Variants in THAP12 observed in about 807,000 individuals in gnomAD.
THAP12 encodes 52 kDa repressor of the inhibitor of the protein kinase.
A neutral mutation model predicts 63.0 loss-of-function variants in THAP12; 20 were observed. The ratio of observed to expected loss-of-function variants is 0.32; its 90% CI spans 0.22 to 0.46. The LOEUF (loss-of-function observed/expected upper bound fraction) is 0.46, where lower values mean the gene tolerates loss of function less well. THAP12 is among the 20% of genes least tolerant of loss of function. The pLI, the probability that THAP12 is intolerant of heterozygous loss-of-function variation, is 1.00. For missense variants in THAP12, 568 were observed against 908.2 expected (o/e 0.63, Z 4.81); for synonymous variants, 264 against 328.4 (o/e 0.80, Z 2.12).
At position 76,381,008 on chromosome 11, in the gene THAP12, G is replaced by A. The variant is rs1946755897; in HGVS notation, c.-172C>T. 1 of 268,702 alleles carries A rather than the reference G, an allele frequency of 3.7e-6. No homozygotes were observed. The highest frequency in any genetic ancestry group is 6.7e-6 in the Non-Finnish European group (1 of 148,160). 16.6% of individuals were successfully genotyped at this position (268,702 alleles called of 1,614,324 possible). ...CCGCGAGGGCCAGGAGGGGTGCCGC[G>A]GTCCGAGGCCGGGCTGGGGACGCGG... On this transcript the variant is annotated 5_prime_UTR_variant, in exon 1 of 5. Transcript: ENST00000260045.
intron 1 of THAP12, among the ~76,000 whole-genome samples, chr11:76,367,866 T>TA (rs990582824): frequency 2.6e-5 from 4 of 152,246 alleles, no homozygotes; most frequent in Non-Finnish European, 4.4e-5. Context: ...CTATGATTTT[T>TA]AAAAAACTAC....
At position 76,352,780 on chromosome 11, in the gene THAP12, C is replaced by G. The variant is rs200850781; in HGVS notation, c.370G>C (p.Glu124Gln). Reference sequence around the variant, plus strand: ...GTTTCTTTATGTTTTTGTTCCTGCTCAGAAGTTTCATCAACTGGAAAACAA... The same window carrying G: ...GTTTCTTTATGTTTTTGTTCCTGCTGAGAAGTTTCATCAACTGGAAAACAA... Reference protein sequence around the residue: ...LKQKKIDETSEQEQKHKETNN... With the variant: ...LKQKKIDETSQQEQKHKETNN... The change falls in exon 5 of 5, where the codon GAG becomes CAG. Residue 124 changes from glutamate to glutamine, a missense_variant. Coordinates refer to ENST00000260045, the MANE Select transcript of THAP12 (RefSeq NM_004705.4). 941 of 1,514,696 alleles carry G rather than the reference C, an allele frequency of 6.2e-4. 2 individuals carry two copies. The highest frequency in any genetic ancestry group is 1.3e-3 in the South Asian group (100 of 75,158). The allele number at this position is 1,514,696 out of a possible 1,614,324, so 93.8% of individuals were successfully genotyped here.
rs769357302 is a variant in THAP12, at chr11:76,365,819, A to C, written c.210+33T>G. The C allele has an allele frequency of 1.6e-5, 25 of 1,601,064 alleles. No individual in the cohort carries two copies. The South Asian group carries it at 2.6e-4, about 16-fold the overall frequency. ...ACAGTGAGAGAGAGAAATCAAGTCA[A>C]ACAGAGAGACACCAAGCTCTTCTAT... On this transcript the variant is annotated intron_variant, in intron 2 of 4. Coordinates refer to ENST00000260045, the MANE Select transcript of THAP12 (RefSeq NM_004705.4).
rs777704713 is a variant in THAP12, at chr11:76,352,734, T to A, written c.416A>T (p.Asn139Ile). The change falls in exon 5 of 5, where the codon AAC becomes ATC. Residue 139 changes from asparagine to isoleucine, a missense_variant. Asn to Ile is a moderately radical substitution (Grantham distance 149). Transcript: ENST00000260045. ...CCCTTCACCCTCTTCTTCGCTGGGG[T>A]TCTGAGCATTGCTATTGTTGGTTTC... ...HKETNNSNAQ[N>I]PSEEEGEGQD... 6 of 1,589,264 alleles carry A rather than the reference T, an allele frequency of 3.8e-6. No homozygotes were observed. In the East Asian group the frequency reaches 1.1e-4, roughly 30 times the overall value.
chr11:76,360,418 AC>A (rs758444932), intron 3 of THAP12, among the ~76,000 whole-genome samples: 1 of 152,230 alleles, frequency 6.6e-6, no homozygotes, highest in Non-Finnish European at 1.5e-5. Context: ...CCTAAGGTCA[AC>A]AAAATACAGA....
intron 1 of THAP12, among the ~76,000 whole-genome samples, chr11:76,374,658 T>C (rs1365190191): frequency 6.6e-6 from 1 of 152,226 alleles, no homozygotes; most frequent in Non-Finnish European, 1.5e-5. Flanking sequence ...TCATGTTATG[T>C]AGCAACCCAA....
chr11:76,365,168 G>C (rs1590803464), intron 2 of THAP12, among the ~76,000 whole-genome samples: 1 of 152,106 alleles, frequency 6.6e-6, no homozygotes, highest in East Asian at 1.9e-4. Flanking sequence ...TGTAATCTCA[G>C]CTACTTGGGA....
intron 1 of THAP12, among the ~76,000 whole-genome samples, chr11:76,376,615 G>GT (rs375196452): frequency 0.035 from 4,498 of 127,520 alleles, 246 homozygotes; most frequent in East Asian, 0.059. Context: ...TTGTGTCTAT[G>GT]TTTTTTTTGT....
At chr11:76,352,944 A>T (rs1946537873) in intron 4 of THAP12, 150 bp from the exon 5 acceptor site, 1 of 904,866 alleles carries the variant, frequency 1.1e-6, no homozygotes, top group Admixed American at 3.6e-5. Flanking sequence ...TAGGACAGAG[A>T]TTAAAATAAG....
chr11:76,370,830 G>GA (rs371784735), intron 1 of THAP12, among the ~76,000 whole-genome samples: 61,674 of 135,276 alleles, frequency 0.46, 15,039 homozygotes, highest in Non-Finnish European at 0.57. Context: ...CAAAAAAAAA[G>GA]AAAAAAAAAA....
intron 1 of THAP12, among the ~76,000 whole-genome samples, chr11:76,372,822 G>C (rs912370741): frequency 1.3e-5 from 2 of 152,076 alleles, no homozygotes; most frequent in African/African-American, 4.8e-5. Flanking sequence ...GGGAGATGGA[G>C]ACTGCAGTGA....
At position 76,351,098 on chromosome 11, in the gene THAP12, C is replaced by T. The variant is rs371702810; in HGVS notation, c.2052G>A (p.Leu684=). The T allele has an allele frequency of 3.7e-6, 6 of 1,611,728 alleles. No homozygotes were observed. In the African/African-American group the frequency reaches 6.7e-5, roughly 18 times the overall value. ...FPNVYALLKV[L]CILPVMKVEN... is the part of the protein sequence containing the mutation. ...CAACCTTCATCACAGGAAGAATACA[C>T]AGGACCTTCAGCAATGCATACACAT... Residue 684 remains leucine (L), a synonymous_variant, in exon 5 of 5, where the codon CTG becomes CTA. Transcript: ENST00000260045.
Position 76,360,971 on chromosome 11 carries a change from T to G in THAP12, c.303A>C (p.Lys101Asn), listed in dbSNP as rs1411932299. Reference protein sequence around the residue: ...HLNNPHSRHRKRIKELSEDEI... With the variant: ...HLNNPHSRHRNRIKELSEDEI... The stretch of plus-strand genomic sequence containing the variant: ...ATAGACATACCAGTTCTTTTATTCG[T>G]TTTCTGTGTCTACTATGTGGGTTGT... The change falls in exon 3 of 5, where the codon AAA becomes AAC. Residue 101 changes from lysine (K) to asparagine (N), a missense_variant. Coordinates refer to ENST00000260045, the MANE Select transcript of THAP12 (RefSeq NM_004705.4). 7 of 1,601,912 alleles carry G rather than the reference T, an allele frequency of 4.4e-6. No individual in the cohort carries two copies. The highest frequency in any genetic ancestry group is 6.0e-6 in the Non-Finnish European group (7 of 1,170,822).
At chr11:76,367,186 C>T (rs1232712833) in intron 1 of THAP12, among the ~76,000 whole-genome samples, 1 of 151,908 alleles carries the variant, frequency 6.6e-6, no homozygotes, top group African/African-American at 2.4e-5. Flanking sequence ...AAGCGATTCT[C>T]CTGTCTCAGC....
chr11:76,375,571 T>C (rs568572406), intron 1 of THAP12, among the ~76,000 whole-genome samples: 1 of 152,264 alleles, frequency 6.6e-6, no homozygotes, highest in African/African-American at 2.4e-5. Context: ...TATTTCTAAA[T>C]AGCTGTTTCT....
chr11:76,355,052 T>A (rs922089333), intron 4 of THAP12, among the ~76,000 whole-genome samples: 2 of 152,156 alleles, frequency 1.3e-5, no homozygotes, highest in African/African-American at 4.8e-5. Context: ...CTCAATAAAA[T>A]GCTACGTTAA....
chr11:76,366,596 G>T (rs928089018), intron 1 of THAP12, among the ~76,000 whole-genome samples: 1 of 152,044 alleles, frequency 6.6e-6, no homozygotes, highest in Non-Finnish European at 1.5e-5. Flanking sequence ...CAGGAGAATG[G>T]CGTGAACCCG....
At chr11:76,354,749 G>T (rs76729744) in intron 4 of THAP12, among the ~76,000 whole-genome samples, 9 of 152,100 alleles carry the variant, frequency 5.9e-5, no homozygotes, top group Non-Finnish European at 1.2e-4. Context: ...CCCCTCAGTG[G>T]TTCCCTATTG....
At chr11:76,367,806 CCT>C (rs1277267272) in intron 1 of THAP12, among the ~76,000 whole-genome samples, 3 of 152,034 alleles carry the variant, frequency 2.0e-5, no homozygotes, top group Non-Finnish European at 4.4e-5. Context: ...CATACATGCC[CCT>C]GACACTTAAT....
Sources: allele counts gnomAD v4.1 joint callset (sites outside exome capture counted in the v4.1 genomes callset), GRCh38; gene constraint gnomAD v4.1.1; transcripts MANE v1.5; gene names NCBI Gene and HGNC (gene_info 2026-07-23, HGNC 2026-07-21).